Variants in NUP58 observed in about 807,000 individuals in gnomAD.
NUP58 encodes nucleoporin 58.
Under a neutral mutation model 70.1 loss-of-function variants are expected in NUP58, and 17 were observed. The observed-to-expected ratio is 0.24, with a 90% CI of 0.17 to 0.36. The LOEUF (loss-of-function observed/expected upper bound fraction) is 0.36. Ranked by LOEUF, NUP58 falls within the 10% of genes least tolerant of loss-of-function variation. The pLI is 1.00. For missense variants in NUP58, 644 were observed against 701.5 expected (o/e 0.92, Z 0.93); for synonymous variants, 275 against 257.6 (o/e 1.07, Z -0.65).
At position 25,320,970 on chromosome 13, in the gene NUP58, T is replaced by C; in HGVS notation, c.828T>C (p.Ser276=). Reference sequence around the variant, plus strand: ...TTCAAGAAGAAATTAGTAGAATGTCTTCAAAAGCAATGCTTAAGGTACAAG... The same window carrying C: ...TTCAAGAAGAAATTAGTAGAATGTCCTCAAAAGCAATGCTTAAGGTACAAG... ...KQVQEEISRM[S]SKAMLKVQED... The change falls in exon 9 of 16, where the codon TCT becomes TCC. Residue 276 remains serine (S), a synonymous_variant. Transcript: ENST00000381736. 1.3e-6 allele frequency: 2 copies of C among 1,588,622 alleles called. No homozygotes were observed. Among genetic ancestry groups the C allele is most frequent in the Non-Finnish European group, 1.7e-6 (2 of 1,173,036 alleles).
intron 10 of NUP58, 145 bp downstream of exon 10, chr13:25,325,213 T>G: frequency 1.7e-6 from 1 of 605,138 alleles, no homozygotes; most frequent in African/African-American, 1.9e-5. Context: ...AATTTCATAA[T>G]AACCCTAAAA....
intron 13 of NUP58, chr13:25,335,421 T>C: frequency 1.0e-6 from 1 of 985,364 alleles, no homozygotes; most frequent in Non-Finnish European, 1.2e-6. Context: ...AACAAGTCTC[T>C]CAATGTTAAA....
intron 6 of NUP58, 95 bp downstream of exon 6, chr13:25,315,562 T>C (rs987651893): frequency 8.8e-6 from 7 of 795,628 alleles, no homozygotes; most frequent in Admixed American, 2.2e-5. Flanking sequence ...TTAGCAGTTA[T>C]ATATTTAGTA....
chr13:25,308,035 A>G (rs972321145), intron 2 of NUP58, 87 bp downstream of exon 2: 152 of 1,470,174 alleles, frequency 1.0e-4, no homozygotes, highest in Non-Finnish European at 1.5e-5. Context: ...TACAAGGATC[A>G]TCACTGGTAG....
downstream of NUP58, among the ~76,000 whole-genome samples, chr13:25,344,907 CTT>C (rs1169610655): frequency 2.0e-5 from 3 of 152,190 alleles, no homozygotes; most frequent in Non-Finnish European, 4.4e-5. Flanking sequence ...ATAAGGCTGA[CTT>C]TGCCACACTT....
downstream of NUP58, among the ~76,000 whole-genome samples, chr13:25,344,682 C>A (rs1476614157): frequency 6.6e-6 from 1 of 152,144 alleles, no homozygotes; most frequent in African/African-American, 2.4e-5. Flanking sequence ...ATAAGCACAG[C>A]ATGATACATG....
chr13:25,315,577 C>G (rs1479743771), intron 6 of NUP58, 110 bp downstream of exon 6: 6 of 717,962 alleles, frequency 8.4e-6, no homozygotes, highest in Admixed American at 2.4e-5. Flanking sequence ...TTAGTAGTAA[C>G]AGTTAGCTAT....
intron 1 of NUP58, among the ~76,000 whole-genome samples, chr13:25,302,771 C>A (rs893576649): frequency 6.6e-6 from 1 of 152,124 alleles, no homozygotes; most frequent in Admixed American, 6.5e-5. Flanking sequence ...TAAGCATGAC[C>A]TGCAGTTTAA....
At position 25,301,933 on chromosome 13, in the gene NUP58, C is replaced by T. The variant is rs183346789; in HGVS notation, c.107+53C>T. On this transcript the variant is annotated intron_variant, in intron 1 of 15. Transcript: ENST00000381736. ...CCGGATTCACCCCCACCCCCACCCC[C>T]GCAAAGCTCCCTTGGTGTCCCCATC... The T allele has an allele frequency of 7.2e-3, 8,460 of 1,178,854 alleles. 54 individuals carry two copies. The highest frequency in any genetic ancestry group is 9.2e-3 in the Non-Finnish European group (7,479 of 814,614). 73.0% of individuals were successfully genotyped at this position (1,178,854 alleles called of 1,614,324 possible).
At chr13:25,337,810 A>G (rs1009390796) in intron 14 of NUP58, among the ~76,000 whole-genome samples, 10 of 152,288 alleles carry the variant, frequency 6.6e-5, no homozygotes, top group African/African-American at 1.7e-4. Context: ...CCTATAATCT[A>G]TAATTAATTT....
chr13:25,326,159 T>C (rs2031386477), intron 10 of NUP58, among the ~76,000 whole-genome samples: 1 of 152,210 alleles, frequency 6.6e-6, no homozygotes, highest in African/African-American at 2.4e-5. Context: ...GCCCATGATA[T>C]TCGTCTTACT....
At chr13:25,309,105 G>A in intron 2 of NUP58, 142 bp from the exon 3 acceptor site, 1 of 626,706 alleles carries the variant, frequency 1.6e-6, no homozygotes, top group Non-Finnish European at 2.8e-6. Flanking sequence ...GTGATTAGTG[G>A]CAGATACTAT....
At chr13:25,315,249 A>G (rs1311441675) in intron 5 of NUP58, 108 bp from the exon 6 acceptor site, 2 of 795,584 alleles carry the variant, frequency 2.5e-6, no homozygotes, top group Non-Finnish European at 2.1e-6. Context: ...TAAATCAAAT[A>G]TGAAGAAAAT....
At chr13:25,330,343 T>C (rs1052329052) in intron 12 of NUP58, among the ~76,000 whole-genome samples, 2 of 152,154 alleles carry the variant, frequency 1.3e-5, no homozygotes, top group African/African-American at 2.4e-5. Context: ...GCAGGCCCCC[T>C]TTTTTAATAC....
At chr13:25,344,550 C>G (rs2032027079), downstream of NUP58, among the ~76,000 whole-genome samples, 1 of 152,092 alleles carries the variant, frequency 6.6e-6, no homozygotes, top group Admixed American at 6.6e-5. Flanking sequence ...GGAGGCTATT[C>G]TAGGACACTT....
At chr13:25,303,274 A>C (rs1020979205) in intron 1 of NUP58, 3 of 365,398 alleles carry the variant, frequency 8.2e-6, no homozygotes, top group Non-Finnish European at 1.6e-5. Flanking sequence ...TTCTGCTGGA[A>C]CCTCTGGGGA....
chr13:25,326,865 C>A, intron 10 of NUP58, 51 bp from the exon 11 acceptor site: 1 of 979,716 alleles, frequency 1.0e-6, no homozygotes, highest in South Asian at 1.6e-5. Flanking sequence ...TTGGATTTGT[C>A]ACTCCAAATT....
At chr13:25,328,518 C>A (rs998550275) in intron 12 of NUP58, among the ~76,000 whole-genome samples, 1 of 151,404 alleles carries the variant, frequency 6.6e-6, no homozygotes. Flanking sequence ...GCCTCAGCCT[C>A]CTGAATAGCT....
intron 9 of NUP58, among the ~76,000 whole-genome samples, chr13:25,324,311 C>A (rs954114550): frequency 6.6e-6 from 1 of 151,792 alleles, no homozygotes; most frequent in Non-Finnish European, 1.5e-5. Flanking sequence ...AAATAGAGGT[C>A]GAAAATATAG....
Sources: allele counts gnomAD v4.1 joint callset (sites outside exome capture counted in the v4.1 genomes callset), GRCh38; gene constraint gnomAD v4.1.1; transcripts MANE v1.5; gene names NCBI Gene and HGNC (gene_info 2026-07-23, HGNC 2026-07-21).